RAB31: variants seen among roughly 807,000 people sequenced by gnomAD.
RAB31 encodes the protein ras-related protein Rab-31.
RAB31 carries 21 observed loss-of-function variants against 25.6 expected under a neutral mutation model. The ratio of observed to expected loss-of-function variants is 0.82; its 90% CI spans 0.58 to 1.18. The LOEUF (loss-of-function observed/expected upper bound fraction) is 1.18. Ranked by LOEUF, RAB31 falls within the 50% of genes most tolerant of loss-of-function variation. The pLI is 0.00. For synonymous variants in RAB31, 87 were observed against 84.0 expected (o/e 1.04, Z -0.20); for missense variants, 196 against 250.1 (o/e 0.78, Z 1.46).
intron 1 of RAB31, among the ~76,000 whole-genome samples, chr18:9,714,451 T>A (rs2068033988): frequency 6.6e-6 from 1 of 152,224 alleles, no homozygotes; most frequent in Admixed American, 6.5e-5. Context: ...GCTCACTCAC[T>A]GTTCACCTCC....
chr18:9,778,809 A>G (rs1030753029), intron 2 of RAB31, among the ~76,000 whole-genome samples: 3 of 152,176 alleles, frequency 2.0e-5, no homozygotes, highest in Non-Finnish European at 2.9e-5. Flanking sequence ...TTTACCTGCT[A>G]ATACCTGACC....
At chr18:9,746,627 A>G (rs140748732) in intron 1 of RAB31, among the ~76,000 whole-genome samples, 275 of 152,378 alleles carry the variant, frequency 1.8e-3, no homozygotes, top group Middle Eastern at 6.8e-3. Context: ...ATTTATGGTG[A>G]CTGATTTTCA....
rs773645683 is a variant in RAB31 at position 9,708,484 on chromosome 18, C to A, written c.39+40C>A. On this transcript the variant is annotated intron_variant, in intron 1 of 6. Transcript: ENST00000578921. The surrounding 1 kb of genome is among the most constrained non-coding windows in gnomAD (Gnocchi z 6.4). ...CCACCCGCCGGCGGACCCCGGCCCG[C>A]GCTCTCGCGCCCCTTCGCTCCCCTA... The A allele has an allele frequency of 1.3e-6, 2 of 1,526,166 alleles. No individual in the cohort carries two copies. Among genetic ancestry groups the A allele is most frequent in the Admixed American group, 4.0e-5 (2 of 49,504 alleles). The allele number at this position is 1,526,166 out of a possible 1,614,324, so 94.5% of individuals were successfully genotyped here.
intron 1 of RAB31, among the ~76,000 whole-genome samples, chr18:9,744,457 C>G (rs1226877470): frequency 6.6e-6 from 1 of 152,150 alleles, no homozygotes; most frequent in Admixed American, 6.5e-5. Flanking sequence ...TATTAATTCC[C>G]TAATTAATGG....
chr18:9,759,354 A>G (rs778801239), intron 1 of RAB31, among the ~76,000 whole-genome samples: 2 of 151,918 alleles, frequency 1.3e-5, no homozygotes, highest in Non-Finnish European at 2.9e-5. Flanking sequence ...GATTTTTCAT[A>G]AAGACAGTGT....
chr18:9,758,382 A>G (rs1402827778), intron 1 of RAB31, among the ~76,000 whole-genome samples: 1 of 151,698 alleles, frequency 6.6e-6, no homozygotes, highest in Non-Finnish European at 1.5e-5. Context: ...GAAAAGCCCC[A>G]AATGTCTGAC....
At chr18:9,786,383 G>A (rs1283758315) in intron 2 of RAB31, among the ~76,000 whole-genome samples, 1 of 152,234 alleles carries the variant, frequency 6.6e-6, no homozygotes, top group Non-Finnish European at 1.5e-5. Context: ...GTCACTATAA[G>A]TAAGTGTTTC....
In RAB31 at chr18:9,753,408, A is replaced by G. The variant is rs954473742; in HGVS notation, c.40-21870A>G. ...CCTGAGCTAACTCATCCCCTTTGCC[A>G]TGTGATGCCCTGCTCCACCTTGGGA... is the stretch of plus-strand genomic sequence containing the variant. On this transcript the variant is annotated intron_variant, in intron 1 of 6. Coordinates refer to ENST00000578921, the MANE Select transcript of RAB31 (RefSeq NM_006868.4). 3.3e-5 allele frequency among the ~76,000 whole-genome samples: 5 copies of G among 152,332 alleles called. No individual in the cohort carries two copies. The South Asian group carries it at 1.0e-3, about 32-fold the overall frequency.
At chr18:9,847,335 C>A (rs976338695) in intron 6 of RAB31, among the ~76,000 whole-genome samples, 1 of 152,180 alleles carries the variant, frequency 6.6e-6, no homozygotes, top group African/African-American at 2.4e-5. Context: ...TCCTTACAGC[C>A]CCGCGTCTTC....
chr18:9,791,675 C>A (rs1215111408), intron 2 of RAB31, among the ~76,000 whole-genome samples: 1 of 152,128 alleles, frequency 6.6e-6, no homozygotes, highest in Non-Finnish European at 1.5e-5. Flanking sequence ...CTCACTGCAA[C>A]CTCTGCCTCC....
intron 1 of RAB31, among the ~76,000 whole-genome samples, chr18:9,740,308 C>T (rs963277666): frequency 2.0e-5 from 3 of 152,364 alleles, no homozygotes; most frequent in South Asian, 2.1e-4. Flanking sequence ...ACTTACCTAA[C>T]GCTTCCAGTG....
chr18:9,775,006 C>T, intron 1 of RAB31: 1 of 565,036 alleles, frequency 1.8e-6, no homozygotes, highest in Non-Finnish European at 3.3e-6. Flanking sequence ...CCATAGTGAA[C>T]ATGTTCATTT....
At chr18:9,834,230 C>T (rs2068693367) in intron 5 of RAB31, among the ~76,000 whole-genome samples, 1 of 152,186 alleles carries the variant, frequency 6.6e-6, no homozygotes, top group Non-Finnish European at 1.5e-5. Flanking sequence ...AAACTCTTGC[C>T]TCAGCCTCCC....
chr18:9,817,204 T>C (rs905365503), intron 5 of RAB31, among the ~76,000 whole-genome samples: 1 of 152,180 alleles, frequency 6.6e-6, no homozygotes, highest in African/African-American at 2.4e-5. Flanking sequence ...GAGAAGGTGC[T>C]ATCTCTAAAT....
intron 5 of RAB31, among the ~76,000 whole-genome samples, chr18:9,828,397 A>G (rs1011895050): frequency 6.6e-6 from 1 of 152,060 alleles, no homozygotes; most frequent in Non-Finnish European, 1.5e-5. Flanking sequence ...GATCAAACCT[A>G]TTGGCCATCC....
At chr18:9,804,819 A>G (rs944521710) in intron 3 of RAB31, among the ~76,000 whole-genome samples, 4 of 2,006 alleles carry the variant, frequency 2.0e-3, no homozygotes, top group Non-Finnish European at 4.7e-3. Context: ...ACTCCCCCTC[A>G]CTCCAAAAAA....
At chr18:9,841,310 C>T (rs1470281797) in intron 5 of RAB31, among the ~76,000 whole-genome samples, 1 of 151,064 alleles carries the variant, frequency 6.6e-6, no homozygotes. Context: ...GAGACTGAGG[C>T]GGGTGGATCA....
rs79594529 is a variant in RAB31 at position 9,773,185 on chromosome 18, T to C, written c.40-2093T>C. ...TGAGTATTAAAAGCCAAGTCCCCTG[T>C]TGCCCCAGGTTTGCTGGAATTGTCC... On this transcript the variant is annotated intron_variant, in intron 1 of 6. Coordinates refer to ENST00000578921, the MANE Select transcript of RAB31 (RefSeq NM_006868.4). Among the ~76,000 whole-genome samples the C allele has an allele frequency of 6.3e-3, 952 of 152,250 alleles. 15 individuals are homozygous for C. Among genetic ancestry groups the C allele is most frequent in the African/African-American group, 0.021 (886 of 41,554 alleles).
At chr18:9,838,967 A>C (rs994482584) in intron 5 of RAB31, among the ~76,000 whole-genome samples, 4 of 152,148 alleles carry the variant, frequency 2.6e-5, no homozygotes, top group African/African-American at 9.7e-5. Context: ...GCTGAAGGCA[A>C]CTTGGGGTGA....
Sources: gnomAD v4.1 joint callset for allele counts (sites outside exome capture counted in the v4.1 genomes callset) on GRCh38, gnomAD v4.1.1 for gene constraint, Gnocchi (gnomAD v3.1) non-coding constraint, MANE v1.5 for transcripts, NCBI Gene and HGNC (gene_info 2026-07-23, HGNC 2026-07-21) for gene names.